CTNNA2: variants seen among roughly 807,000 people sequenced by gnomAD.
The protein encoded by CTNNA2 is catenin alpha-2.
In CTNNA2, 42 loss-of-function variants were observed where a neutral mutation model predicts 101.0. The ratio of observed to expected loss-of-function variants is 0.42; its 90% confidence interval spans 0.32 to 0.54. The LOEUF (loss-of-function observed/expected upper bound fraction) is 0.54, where lower values mean the gene tolerates loss of function less well. Among genes scored for constraint, CTNNA2 ranks in the 20% least tolerant of loss-of-function variants. The pLI is 0.14. For synonymous variants in CTNNA2, 450 were observed against 456.4 expected, an observed-to-expected ratio of 0.99 and a Z score of 0.18; for missense variants, 871 against 1,223.1, an observed-to-expected ratio of 0.71 and a Z score of 4.29.
intron 2 of CTNNA2, among the ~76,000 whole-genome samples, chr2:79,684,577 A>G (rs1246824099): frequency 2.6e-5 from 4 of 152,170 alleles, no homozygotes; most frequent in African/African-American, 4.8e-5. Flanking sequence ...ATTGGCTGTT[A>G]TGTTCAATAT....
chr2:79,237,534 C>T (rs568453302), intron 2 of CTNNA2, among the ~76,000 whole-genome samples: 131 of 152,306 alleles, frequency 8.6e-4, no homozygotes, highest in Admixed American at 1.5e-3. Flanking sequence ...TAAAACTGAA[C>T]ATTGACTTCT....
rs1368956 is a variant in CTNNA2 at position 79,238,550 on chromosome 2, A to T, written c.-406+40474A>T. Among the ~76,000 whole-genome samples the T allele has an allele frequency of 1.5e-3, 231 of 152,338 alleles. 1 individual carries two copies. The highest frequency in any genetic ancestry group is 5.3e-3 in the African/African-American group (221 of 41,580). ...TTGCCATAAGCATTCAATTTGTATTAAAAAAAGTGAAGTACAATAGTGCAG... is the reference window on the plus strand; with the variant it reads ...TTGCCATAAGCATTCAATTTGTATTTAAAAAAGTGAAGTACAATAGTGCAG... On this transcript the variant is annotated intron_variant, in intron 2 of 21. Coordinates refer to the CTNNA2 transcript ENST00000466387.
At chr2:80,242,842 A>G (rs942656027) in intron 7 of CTNNA2, among the ~76,000 whole-genome samples, 6 of 152,262 alleles carry the variant, frequency 3.9e-5, no homozygotes, top group Admixed American at 6.5e-5. Flanking sequence ...TTCATTCTGC[A>G]GGGATCCTGC....
intron 2 of CTNNA2, among the ~76,000 whole-genome samples, chr2:79,207,064 C>T (rs1413007604): frequency 9.2e-5 from 14 of 152,124 alleles, no homozygotes; most frequent in Non-Finnish European, 1.2e-4. Context: ...TTTAGACAAA[C>T]TCTTTGATGG....
intron 4 of CTNNA2, among the ~76,000 whole-genome samples, chr2:79,497,042 A>C (rs529495731): frequency 6.6e-6 from 1 of 152,306 alleles, no homozygotes; most frequent in East Asian, 1.9e-4. Context: ...GTAGGCCTAC[A>C]CAGTGTTCAA....
rs752697802 is a variant in CTNNA2, at chr2:80,648,652, A to ATATT, written c.*781_*784dup. The ATATT allele has an allele frequency of 2.2e-4, 33 of 151,388 alleles. No individual in the cohort carries two copies. Among genetic ancestry groups the ATATT allele is most frequent in the Non-Finnish European group, 4.3e-4 (29 of 67,702 alleles). 9.4% of individuals were successfully genotyped at this position (151,388 alleles called of 1,614,324 possible). The stretch of plus-strand genomic sequence containing the variant: ...TAGAAATAGAAGGCCCAGTGGTGGA[A>ATATT]TATTAGAGGGAAGGAAACTGACAAC... On this transcript the variant is annotated 3_prime_UTR_variant, in exon 19 of 19. Coordinates refer to ENST00000402739, the MANE Select transcript of CTNNA2 (RefSeq NM_001282597.3).
intron 7 of CTNNA2, among the ~76,000 whole-genome samples, chr2:80,137,054 C>G (rs1702735548): frequency 6.6e-6 from 1 of 152,058 alleles, no homozygotes; most frequent in African/African-American, 2.4e-5. Flanking sequence ...CCTGTGGTAC[C>G]CAGGAATTGC....
chr2:79,923,223 G>A (rs1391535311), intron 7 of CTNNA2, among the ~76,000 whole-genome samples: 1 of 152,110 alleles, frequency 6.6e-6, no homozygotes, highest in African/African-American at 2.4e-5. Flanking sequence ...GTATCTAGTT[G>A]GAGACTGTCG....
chr2:80,060,927 G>A (rs1253124282), intron 7 of CTNNA2, among the ~76,000 whole-genome samples: 1 of 152,068 alleles, frequency 6.6e-6, no homozygotes, highest in Non-Finnish European at 1.5e-5. Flanking sequence ...TGGCCAGTTC[G>A]TGCAAGGGTA....
chr2:79,914,294 G>A (rs1318450871), intron 7 of CTNNA2, among the ~76,000 whole-genome samples: 1 of 151,384 alleles, frequency 6.6e-6, no homozygotes, highest in Admixed American at 6.6e-5. Context: ...CACCAAAAAT[G>A]TCTAAGTATG....
At chr2:80,254,157 A>G (rs1189097341) in intron 7 of CTNNA2, among the ~76,000 whole-genome samples, 1 of 152,124 alleles carries the variant, frequency 6.6e-6, no homozygotes, top group African/African-American at 2.4e-5. Flanking sequence ...CTATATCTCT[A>G]TTAGATTACA....
chr2:80,473,490 A>G (rs1324373857), intron 9 of CTNNA2, among the ~76,000 whole-genome samples: 1 of 152,230 alleles, frequency 6.6e-6, no homozygotes, highest in African/African-American at 2.4e-5. Flanking sequence ...ATGAAAATAT[A>G]CAACCTCTGT....
At chr2:79,602,975 A>G (rs982172786) in intron 1 of CTNNA2, among the ~76,000 whole-genome samples, 4 of 152,180 alleles carry the variant, frequency 2.6e-5, no homozygotes, top group African/African-American at 9.6e-5. Flanking sequence ...TTCACATATT[A>G]GTCAAAATTC....
chr2:79,794,121 A>G (rs555400690), intron 3 of CTNNA2, among the ~76,000 whole-genome samples: 1 of 152,046 alleles, frequency 6.6e-6, no homozygotes, highest in Non-Finnish European at 1.5e-5. Flanking sequence ...TGTTCCCCAA[A>G]AACCTGTGGA....
chr2:79,624,594 T>G (rs1345828259), intron 1 of CTNNA2, among the ~76,000 whole-genome samples: 1 of 152,304 alleles, frequency 6.6e-6, no homozygotes, highest in Admixed American at 6.5e-5. Context: ...AAGACTGGCC[T>G]GTAGAAGCTC....
At chr2:79,627,455 C>G (rs1207094808) in intron 1 of CTNNA2, among the ~76,000 whole-genome samples, 1 of 152,182 alleles carries the variant, frequency 6.6e-6, no homozygotes, top group South Asian at 2.1e-4. Context: ...TGCTGCCTCC[C>G]CCTCATAGCA....
intron 7 of CTNNA2, among the ~76,000 whole-genome samples, chr2:80,125,460 A>C (rs1173911176): frequency 6.6e-6 from 1 of 152,160 alleles, no homozygotes; most frequent in Non-Finnish European, 1.5e-5. Flanking sequence ...TAGTTTTACC[A>C]GTCATTTGGC....
intron 7 of CTNNA2, among the ~76,000 whole-genome samples, chr2:80,321,672 T>C (rs765833480): frequency 2.6e-5 from 4 of 152,136 alleles, no homozygotes; most frequent in Non-Finnish European, 5.9e-5. Context: ...ATCAAAAAAG[T>C]CTGTATATGC....
intron 3 of CTNNA2, among the ~76,000 whole-genome samples, chr2:79,317,894 CAG>C (rs1029387264): frequency 1.3e-5 from 2 of 151,872 alleles, no homozygotes; most frequent in African/African-American, 4.8e-5. Context: ...ATAATTTTAA[CAG>C]ATGAAATTTG....
Sources: allele counts gnomAD v4.1 joint callset (sites outside exome capture counted in the v4.1 genomes callset), GRCh38; gene constraint gnomAD v4.1.1; transcripts MANE v1.5; gene names NCBI Gene and HGNC (gene_info 2026-07-23, HGNC 2026-07-21).